Variants in TENM2 observed in about 807,000 individuals in gnomAD.
TENM2 encodes the protein teneurin transmembrane protein 2, also known as teneurin-2.
In TENM2, 52 loss-of-function variants were observed where a neutral mutation model predicts 245.2. The ratio of observed to expected loss-of-function variants is 0.21; its 90% CI spans 0.17 to 0.27. The LOEUF is 0.27. TENM2 is among the 10% of genes least tolerant of loss of function. The pLI is 1.00. For synonymous variants in TENM2, 1,363 were observed against 1,438.9 expected, an observed-to-expected ratio of 0.95 and a Z score of 1.19; for missense variants, 3,046 against 3,666.8, an observed-to-expected ratio of 0.83 and a Z score of 4.37.
intron 5 of TENM2, among the ~76,000 whole-genome samples, chr5:168,001,349 T>C (rs1027688473): frequency 1.3e-5 from 2 of 152,232 alleles, no homozygotes; most frequent in African/African-American, 4.8e-5. Flanking sequence ...AGTGTTTGTA[T>C]CTGGCATAAG....
chr5:167,230,367 G>A, the TENM2 span, among the ~76,000 whole-genome samples: 43 of 152,234 alleles, frequency 2.8e-4, no homozygotes, highest in East Asian at 7.5e-3. Context: ...AGGCTGCCTC[G>A]CTTCCCTCTC....
At chr5:167,399,555 C>G (rs577905886) in intron 2 of TENM2, among the ~76,000 whole-genome samples, 1 of 152,266 alleles carries the variant, frequency 6.6e-6, no homozygotes, top group African/African-American at 2.4e-5. Context: ...TAAATGGTGA[C>G]AGGAGGTGGC....
intron 1 of TENM2, among the ~76,000 whole-genome samples, chr5:167,346,021 G>C (rs536925651): frequency 6.6e-6 from 1 of 151,970 alleles, no homozygotes; most frequent in East Asian, 1.9e-4. Context: ...AACGTGTAAC[G>C]ACATTTTGCC....
intron 2 of TENM2, among the ~76,000 whole-genome samples, chr5:167,807,233 C>CT (rs1766271385): frequency 7.1e-6 from 1 of 140,984 alleles, no homozygotes; most frequent in African/African-American, 2.6e-5. Flanking sequence ...GGGCAAAAGA[C>CT]TTTTTTGGGG....
intron 2 of TENM2, among the ~76,000 whole-genome samples, chr5:167,565,413 C>T (rs1316849324): frequency 6.6e-6 from 1 of 152,190 alleles, no homozygotes; most frequent in Non-Finnish European, 1.5e-5. Flanking sequence ...GTATTGCACT[C>T]ACAGCAACAG....
chr5:167,701,600 G>C (rs1318315072), intron 2 of TENM2, among the ~76,000 whole-genome samples: 2 of 151,888 alleles, frequency 1.3e-5, no homozygotes, highest in African/African-American at 2.4e-5. Flanking sequence ...TGAAGCTCTG[G>C]TTCTGTGTCT....
rs148472412 is a variant in TENM2, at chr5:168,121,675, G to A, written c.2009-3175G>A. 1.9e-3 allele frequency among the ~76,000 whole-genome samples: 281 copies of A among 151,530 alleles called. 3 individuals are homozygous for A. The highest frequency in any genetic ancestry group is 6.3e-3 in the African/African-American group (260 of 41,370). On this transcript the variant is annotated intron_variant, in intron 10 of 28. Coordinates refer to ENST00000518659, the Ensembl canonical transcript of TENM2. ...AAAATGCCATTTTCATTTTTTTAGT[G>A]TATTACTTTTTATTATTTCATCCTT...
rs779207802 is a variant in TENM2 at position 168,247,011 on chromosome 5, A to G, written c.6072A>G (p.Lys2024=). The G allele has an allele frequency of 7.4e-6, 12 of 1,613,652 alleles. No individual in the cohort carries two copies. Reference sequence around the variant, plus strand: ...GCCAGGTGTTCTACAAGTATGGGAAACTCTCCAAGTTATCAGAGATTGTCT... The same window carrying G: ...GCCAGGTGTTCTACAAGTATGGGAAGCTCTCCAAGTTATCAGAGATTGTCT... Residue 2024 remains lysine (K), a synonymous_variant, in exon 27 of 29, where the codon AAA becomes AAG. Coordinates refer to ENST00000518659, the Ensembl canonical transcript of TENM2. This position sits in a 1 kb window ranked among gnomAD's most constrained non-coding sequence, Gnocchi z 7.8.
At chr5:167,983,953 C>T (rs775228803) in intron 4 of TENM2, among the ~76,000 whole-genome samples, 1 of 152,184 alleles carries the variant, frequency 6.6e-6, no homozygotes, top group Non-Finnish European at 1.5e-5. Flanking sequence ...ATACTATACA[C>T]GGCTCCTGCC....
At chr5:167,065,561 G>T in the TENM2 span, among the ~76,000 whole-genome samples, 2 of 152,246 alleles carry the variant, frequency 1.3e-5, no homozygotes, top group Admixed American at 1.3e-4. Flanking sequence ...ACAGAAATAT[G>T]AATTATTTTA....
chr5:167,128,985 T>C, the TENM2 span, among the ~76,000 whole-genome samples: 3 of 152,238 alleles, frequency 2.0e-5, no homozygotes, highest in Non-Finnish European at 4.4e-5. Context: ...CTGCCTCTGA[T>C]AGTGAGTTCT....
the TENM2 span, among the ~76,000 whole-genome samples, chr5:167,181,470 G>T: frequency 1.0e-4 from 13 of 125,370 alleles, no homozygotes; most frequent in Non-Finnish European, 1.5e-4. Context: ...GCTCGTTTGT[G>T]TGTGTGTGTG....
intron 2 of TENM2, among the ~76,000 whole-genome samples, chr5:167,406,569 G>C (rs1173283752): frequency 2.0e-5 from 3 of 152,078 alleles, no homozygotes; most frequent in Non-Finnish European, 4.4e-5. Context: ...TTGATTTATA[G>C]TTCACAAAAT....
intron 2 of TENM2, among the ~76,000 whole-genome samples, chr5:167,864,839 T>A (rs1772163863): frequency 6.6e-6 from 1 of 152,202 alleles, no homozygotes; most frequent in Admixed American, 6.5e-5. Flanking sequence ...TTGGAAATAA[T>A]ACCTGGTACC....
intron 2 of TENM2, among the ~76,000 whole-genome samples, chr5:167,872,548 G>GCA (rs1554135982): frequency 3.1e-5 from 2 of 65,438 alleles, no homozygotes; most frequent in Admixed American, 1.4e-4. Context: ...AAGAAAGAAA[G>GCA]AGAAAGAAAG....
the TENM2 span, among the ~76,000 whole-genome samples, chr5:167,095,782 T>C: frequency 2.0e-5 from 3 of 151,578 alleles, no homozygotes; most frequent in Middle Eastern, 3.4e-3. Flanking sequence ...TTTTTTTTTT[T>C]TTTTGAGACA....
chr5:167,060,142 T>C, the TENM2 span, among the ~76,000 whole-genome samples: 1 of 152,196 alleles, frequency 6.6e-6, no homozygotes, highest in Admixed American at 6.5e-5. Flanking sequence ...TTGTCAGATA[T>C]TGTAGAAATA....
chr5:168,124,715 C>A (rs1795716449), intron 10 of TENM2, 135 bp from the exon 13 acceptor site: 3 of 759,650 alleles, frequency 3.9e-6, no homozygotes, highest in African/African-American at 1.8e-5. Context: ...ATTTCTTGGG[C>A]TACTCCATTT....
chr5:167,785,229 G>A (rs548325978), intron 2 of TENM2, among the ~76,000 whole-genome samples: 21 of 152,270 alleles, frequency 1.4e-4, no homozygotes, highest in South Asian at 1.2e-3. Context: ...TGGATATCAC[G>A]TGATGTGATT....
Sources: gnomAD v4.1 joint callset for allele counts (sites outside exome capture counted in the v4.1 genomes callset) on GRCh38, gnomAD v4.1.1 for gene constraint, Gnocchi (gnomAD v3.1) non-coding constraint, MANE v1.5 for transcripts, NCBI Gene and HGNC (gene_info 2026-07-23, HGNC 2026-07-21) for gene names.